S100Z: variants seen among roughly 807,000 people sequenced by gnomAD.
S100Z encodes the protein S100 calcium binding protein Z.
Under a neutral mutation model 8.5 loss-of-function variants are expected in S100Z, and 11 were observed. The ratio of observed to expected loss-of-function variants is 1.30; its 90% CI spans 0.82 to 2.15. The LOEUF is 2.15. Ranked by LOEUF, S100Z falls within the 30% of genes most tolerant of loss-of-function variation. The pLI is 0.00. For synonymous variants in S100Z, 34 were observed against 43.8 expected, an observed-to-expected ratio of 0.78 and a Z score of 0.89; for missense variants, 126 against 117.9, an observed-to-expected ratio of 1.07 and a Z score of -0.32.
the S100Z span, among the ~76,000 whole-genome samples, chr5:76,945,009 G>A: frequency 6.6e-6 from 1 of 152,092 alleles, no homozygotes; most frequent in African/African-American, 2.4e-5. Flanking sequence ...ATGTAGAAAA[G>A]GAAGACATAA....
chr5:76,903,385 T>A (rs1744303946), intron 4 of S100Z, among the ~76,000 whole-genome samples: 1 of 152,216 alleles, frequency 6.6e-6, no homozygotes, highest in Admixed American at 6.5e-5. Context: ...TATTAATCTA[T>A]GATTTTGTAT....
intron 1 of S100Z, among the ~76,000 whole-genome samples, chr5:76,865,679 C>T (rs1298347474): frequency 1.3e-5 from 2 of 151,758 alleles, no homozygotes; most frequent in African/African-American, 4.8e-5. Context: ...AGTGTTATTA[C>T]AAAAGTGTCA....
At chr5:76,899,559 A>G (rs1744160607) in intron 4 of S100Z, among the ~76,000 whole-genome samples, 2 of 152,086 alleles carry the variant, frequency 1.3e-5, no homozygotes, top group Admixed American at 6.6e-5. Flanking sequence ...TGCACATACT[A>G]TGTTATAACC....
At chr5:76,936,627 A>ACACG in the S100Z span, among the ~76,000 whole-genome samples, 1,276 of 132,990 alleles carry the variant, frequency 9.6e-3, 22 homozygotes, top group African/African-American at 0.036. Flanking sequence ...ACACACACAC[A>ACACG]CACACACACA....
rs188398582 is a variant in S100Z, at chr5:76,910,497, A to G, written c.*3-10220A>G. Among the ~76,000 whole-genome samples, 345 of 152,332 alleles carry G rather than the reference A, an allele frequency of 2.3e-3. 1 individual carries two copies. The highest frequency in any genetic ancestry group is 8.1e-3 in the African/African-American group (336 of 41,580). ...GAGAGGACAGAAAACAGAGCAGGCC[A>G]ATCACCCGGGATGGCTTGTTATCAG... On this transcript the variant is annotated intron_variant, in intron 4 of 4. Coordinates refer to ENST00000317593, the MANE Select transcript of S100Z (RefSeq NM_130772.4).
At chr5:76,924,790 A>G (rs1745107311), downstream of S100Z, among the ~76,000 whole-genome samples, 1 of 152,062 alleles carries the variant, frequency 6.6e-6, no homozygotes. Context: ...GGCACCTGTA[A>G]TCCCAGCTAC....
intron 3 of S100Z, 101 bp downstream of exon 3, chr5:76,875,601 A>G (rs1359503168): frequency 1.9e-6 from 2 of 1,037,336 alleles, no homozygotes; most frequent in African/African-American, 3.2e-5. Flanking sequence ...TTCTGTCACA[A>G]ATGCAGCCAA....
chr5:76,874,560 T>C (rs1255631320), intron 2 of S100Z, among the ~76,000 whole-genome samples: 3 of 152,186 alleles, frequency 2.0e-5, no homozygotes, highest in Non-Finnish European at 4.4e-5. Flanking sequence ...CTGGCAATTT[T>C]CATCTTCCCG....
chr5:76,918,576 T>G (rs1160272300), intron 4 of S100Z, among the ~76,000 whole-genome samples: 1 of 152,254 alleles, frequency 6.6e-6, no homozygotes, highest in Non-Finnish European at 1.5e-5. Flanking sequence ...TAAAGTTTAG[T>G]GGATACACAG....
chr5:76,937,399 A>T, the S100Z span, among the ~76,000 whole-genome samples: 5 of 151,964 alleles, frequency 3.3e-5, no homozygotes, highest in African/African-American at 1.2e-4. Flanking sequence ...TATTATTCTT[A>T]TTTAAATTTT....
At chr5:76,918,454 G>A (rs13170714) in intron 4 of S100Z, among the ~76,000 whole-genome samples, 95,075 of 152,092 alleles carry the variant, frequency 0.63, 29,987 homozygotes, top group Non-Finnish European at 0.65. Context: ...CAGTCCTCCC[G>A]TCTTGGCCTC....
chr5:76,926,929 C>T, the S100Z span, among the ~76,000 whole-genome samples: 2 of 152,158 alleles, frequency 1.3e-5, no homozygotes, highest in African/African-American at 4.8e-5. Context: ...CTTCAATTTC[C>T]TTCTTTTTCA....
the S100Z span, among the ~76,000 whole-genome samples, chr5:76,943,861 A>G: frequency 6.6e-6 from 1 of 152,244 alleles, no homozygotes; most frequent in East Asian, 1.9e-4. Context: ...CAACACATGC[A>G]GAAACCAGAA....
intron 1 of S100Z, among the ~76,000 whole-genome samples, chr5:76,852,811 C>T (rs576210683): frequency 1.3e-5 from 2 of 152,298 alleles, no homozygotes; most frequent in South Asian, 4.1e-4. Context: ...AGTATTCGGC[C>T]TAGGTGGCTC....
chr5:76,949,746 A>C, the S100Z span, among the ~76,000 whole-genome samples: 1 of 152,258 alleles, frequency 6.6e-6, no homozygotes, highest in African/African-American at 2.4e-5. Flanking sequence ...TACATGAGCT[A>C]TCTAAAATAG....
At chr5:76,877,216 C>T (rs763268349) in intron 3 of S100Z, among the ~76,000 whole-genome samples, 1 of 151,902 alleles carries the variant, frequency 6.6e-6, no homozygotes, top group Non-Finnish European at 1.5e-5. Context: ...ATGAAGTATC[C>T]CTGAAATGTG....
At chr5:76,888,619 G>A (rs1035183418) in intron 4 of S100Z, among the ~76,000 whole-genome samples, 5 of 151,818 alleles carry the variant, frequency 3.3e-5, no homozygotes, top group Non-Finnish European at 5.9e-5. Context: ...CTTGTGATCC[G>A]CCCATCTCGG....
At chr5:76,946,963 T>C in the S100Z span, among the ~76,000 whole-genome samples, 1 of 152,110 alleles carries the variant, frequency 6.6e-6, no homozygotes, top group African/African-American at 2.4e-5. Flanking sequence ...TATGGCTGCA[T>C]TGAGAACAGT....
chr5:76,909,112 G>A (rs938271578), intron 4 of S100Z, among the ~76,000 whole-genome samples: 3 of 152,016 alleles, frequency 2.0e-5, no homozygotes, highest in African/African-American at 4.8e-5. Flanking sequence ...AGGTGTTTTC[G>A]GCTACTGCAT....
Sources: gnomAD v4.1 joint callset for allele counts (sites outside exome capture counted in the v4.1 genomes callset) on GRCh38, gnomAD v4.1.1 for gene constraint, MANE v1.5 for transcripts, NCBI Gene and HGNC (gene_info 2026-07-23, HGNC 2026-07-21) for gene names.